The following STARD3NL variants were observed in gnomAD, a reference collection of about 807,000 sequenced individuals.
STARD3NL encodes STARD3 N-terminal-like protein.
A neutral mutation model predicts 30.9 loss-of-function variants in STARD3NL; 17 were observed. The ratio of observed to expected loss-of-function variants is 0.55; its 90% CI spans 0.38 to 0.82. STARD3NL has a LOEUF of 0.82. Ranked by LOEUF, STARD3NL falls within the 40% of genes least tolerant of loss-of-function variation. The pLI is 0.00. For synonymous variants in STARD3NL, 112 were observed against 100.5 expected (o/e 1.11, Z -0.69); for missense variants, 234 against 277.6 (o/e 0.84, Z 1.12).
In STARD3NL at chr7:38,197,161, T is replaced by TTTCC. The variant is rs765834053; in HGVS notation, c.-58-10283_-58-10282insCTTC. On this transcript the variant is annotated intron_variant, in intron 1 of 8. Coordinates refer to ENST00000009041, the MANE Select transcript of STARD3NL (RefSeq NM_032016.4). ...TTTTCTTTCTTTCTTTCTTTCTTTC[T>TTTCC]TTCTTTCTTTCTTTCTTTCTTTCTT... 6.5e-3 allele frequency among the ~76,000 whole-genome samples: 950 copies of TTTCC among 146,954 alleles called. 8 individuals are homozygous for TTTCC. Among genetic ancestry groups the TTTCC allele is most frequent in the Middle Eastern group, 0.014 (4 of 292 alleles).
At chr7:38,215,370 C>CTA in intron 4 of STARD3NL, 1 of 467,554 alleles carries the variant, frequency 2.1e-6, no homozygotes, top group South Asian at 3.7e-5. Context: ...AAGCACCAAG[C>CTA]CACCCTCTAC....
chr7:38,215,221 C>A, intron 4 of STARD3NL, 116 bp downstream of exon 4: 2 of 921,320 alleles, frequency 2.2e-6, no homozygotes, highest in Non-Finnish European at 3.4e-6. Context: ...ATCCCACCAG[C>A]TTTCCTGAGT....
intron 1 of STARD3NL, among the ~76,000 whole-genome samples, chr7:38,188,825 A>G (rs369615648): frequency 2.7e-4 from 41 of 152,352 alleles, no homozygotes; most frequent in Admixed American, 1.4e-3. Flanking sequence ...TAATATTCCT[A>G]TAGGAAATAG....
intron 1 of STARD3NL, among the ~76,000 whole-genome samples, chr7:38,202,371 A>G (rs1295694851): frequency 1.3e-5 from 2 of 152,190 alleles, no homozygotes; most frequent in African/African-American, 4.8e-5. Context: ...AAAGAAAGGG[A>G]AAGGCTGCTT....
chr7:38,190,628 C>T (rs1244078201), intron 1 of STARD3NL, among the ~76,000 whole-genome samples: 1 of 152,164 alleles, frequency 6.6e-6, no homozygotes, highest in Non-Finnish European at 1.5e-5. Flanking sequence ...GGGCACTCTC[C>T]TGCATAACCA....
At chr7:38,183,587 C>T (rs1464949168) in intron 1 of STARD3NL, among the ~76,000 whole-genome samples, 1 of 152,072 alleles carries the variant, frequency 6.6e-6, no homozygotes, top group African/African-American at 2.4e-5. Flanking sequence ...AATGACTTCA[C>T]TAAATAGCAT....
chr7:38,212,473 G>T (rs1391210108), intron 2 of STARD3NL, among the ~76,000 whole-genome samples: 2 of 152,094 alleles, frequency 1.3e-5, no homozygotes, highest in African/African-American at 4.8e-5. Flanking sequence ...TGTAGCATTT[G>T]TTTTCTTATT....
At chr7:38,183,909 G>T (rs1320654192) in intron 1 of STARD3NL, among the ~76,000 whole-genome samples, 1 of 152,178 alleles carries the variant, frequency 6.6e-6, no homozygotes, top group African/African-American at 2.4e-5. Context: ...AACCATATGT[G>T]TAAGTTTGTC....
intron 1 of STARD3NL, among the ~76,000 whole-genome samples, chr7:38,204,431 A>G (rs1387827222): frequency 6.6e-6 from 1 of 152,222 alleles, no homozygotes; most frequent in African/African-American, 2.4e-5. Context: ...TGCTCTTTGA[A>G]ACCAACAAAA....
intron 7 of STARD3NL, among the ~76,000 whole-genome samples, chr7:38,224,539 C>T (rs187169447): frequency 1.1e-3 from 166 of 152,162 alleles, no homozygotes; most frequent in Non-Finnish European, 1.4e-3. Flanking sequence ...AATTGTGTGC[C>T]GTTCTGAGTA....
chr7:38,209,485 C>T (rs1425991546), intron 2 of STARD3NL, among the ~76,000 whole-genome samples: 4 of 152,108 alleles, frequency 2.6e-5, no homozygotes, highest in Admixed American at 1.3e-4. Context: ...AGGGTTTCAC[C>T]GTGTTGGCCA....
At chr7:38,194,118 G>A (rs1784807705) in intron 1 of STARD3NL, among the ~76,000 whole-genome samples, 1 of 151,982 alleles carries the variant, frequency 6.6e-6, no homozygotes, top group Admixed American at 6.6e-5. Flanking sequence ...CTGCTTCTTA[G>A]TGTAATTTAT....
intron 1 of STARD3NL, among the ~76,000 whole-genome samples, chr7:38,190,909 A>T (rs1404713522): frequency 2.0e-5 from 3 of 152,160 alleles, no homozygotes; most frequent in African/African-American, 7.2e-5. Flanking sequence ...TCTGGCAAGG[A>T]TTTATCACAA....
intron 2 of STARD3NL, among the ~76,000 whole-genome samples, chr7:38,213,945 C>A (rs150622718): frequency 2.0e-4 from 30 of 152,288 alleles, no homozygotes; most frequent in African/African-American, 5.8e-4. Context: ...GCCCGGATGT[C>A]GGGGAGTCTT....
rs747738199 is a variant in STARD3NL at position 38,219,617 on chromosome 7, T to A, written c.606T>A (p.Gly202=). ...ASERAALIPG[G]LSDGQFYSPP... The stretch of plus-strand genomic sequence containing the variant: ...AGAGGGCAGCACTTATACCTGGTGG[T>A]CTTTCTGATGGTCAGTTTTATTCCC... Residue 202 remains glycine (G), a synonymous_variant, in exon 7 of 9, where the codon GGT becomes GGA. Coordinates refer to ENST00000009041, the MANE Select transcript of STARD3NL (RefSeq NM_032016.4). 6.2e-7 allele frequency: 1 copy of A among 1,612,992 alleles called. No homozygotes were observed. Among genetic ancestry groups the A allele is most frequent in the South Asian group, 1.1e-5 (1 of 91,050 alleles).
At position 38,182,591 on chromosome 7, in the gene STARD3NL, A is replaced by G. The variant is rs150996494; in HGVS notation, c.-59+4171A>G. On this transcript the variant is annotated intron_variant, in intron 1 of 8. Transcript: ENST00000009041. The stretch of plus-strand genomic sequence containing the variant: ...GTTGGAACTCCTGGCAGCCTCTTAC[A>G]TGATGTATCAGTACAGCTCAGGCCT... Among the ~76,000 whole-genome samples, 356 of 152,274 alleles carry G rather than the reference A, an allele frequency of 2.3e-3. 3 individuals are homozygous for G. The highest frequency in any genetic ancestry group is 8.1e-3 in the African/African-American group (338 of 41,552).
chr7:38,223,644 T>C (rs1583831180), intron 7 of STARD3NL, among the ~76,000 whole-genome samples: 1 of 152,154 alleles, frequency 6.6e-6, no homozygotes, highest in East Asian at 1.9e-4. Flanking sequence ...GAAGCCCTTG[T>C]ATCTCTCAGC....
At chr7:38,224,887 A>T (rs1303305649) in intron 7 of STARD3NL, among the ~76,000 whole-genome samples, 2 of 152,204 alleles carry the variant, frequency 1.3e-5, no homozygotes. Context: ...AAACTTTTTC[A>T]TAGGTATGTA....
At chr7:38,207,404 T>A in intron 1 of STARD3NL, 43 bp from the exon 2 acceptor site, 1 of 919,582 alleles carries the variant, frequency 1.1e-6, no homozygotes, top group Non-Finnish European at 1.6e-6. Flanking sequence ...TTATATTTGA[T>A]CAGCTTGGAT....
Sources: allele counts gnomAD v4.1 joint callset (sites outside exome capture counted in the v4.1 genomes callset), GRCh38; gene constraint gnomAD v4.1.1; transcripts MANE v1.5; gene names NCBI Gene and HGNC (gene_info 2026-07-23, HGNC 2026-07-21).